The following PCDH11Y variants were observed in gnomAD, a reference collection of about 807,000 sequenced individuals.
PCDH11Y encodes protocadherin-11 Y-linked.
For missense variants in PCDH11Y, 12 were observed against 224.8 expected, an observed-to-expected ratio of 0.05 and a Z score of 6.05; for synonymous variants, 9 against 83.6, an observed-to-expected ratio of 0.11 and a Z score of 4.87.
chrY:5,284,900 A>AT (rs2053058344), intron 2 of PCDH11Y, among the ~76,000 whole-genome samples: 1 of 22,945 alleles, frequency 4.4e-5, no homozygotes, highest in South Asian at 1.1e-3. Flanking sequence ...TGGGGAATTA[A>AT]TTTTTTTGCA....
intron 2 of PCDH11Y, among the ~76,000 whole-genome samples, chrY:5,163,697 G>A: frequency 2.5e-4 from 8 of 32,504 alleles, no homozygotes; most frequent in Admixed American, 2.0e-3. Context: ...TTCAACTTCC[G>A]CCATGATTGT....
At chrY:5,393,531 T>TA (rs2053223243) in intron 2 of PCDH11Y, among the ~76,000 whole-genome samples, 1 of 26,631 alleles carries the variant, frequency 3.8e-5, no homozygotes, top group Non-Finnish European at 8.6e-5. Context: ...CTACAAAAAA[T>TA]AAAAAATTAG....
chrY:5,284,699 C>T, intron 2 of PCDH11Y, among the ~76,000 whole-genome samples: 1 of 30,564 alleles, frequency 3.3e-5, no homozygotes, highest in Non-Finnish European at 7.9e-5. Flanking sequence ...GAGAAAATTC[C>T]ATCCACAATC....
chrY:5,210,182 C>T (rs2124650931), intron 2 of PCDH11Y, among the ~76,000 whole-genome samples: 1 of 34,269 alleles, frequency 2.9e-5, no homozygotes, highest in South Asian at 6.3e-4. Flanking sequence ...AAGAACATTG[C>T]CATATTCCAA....
At chrY:5,319,344 AAAC>A (rs781636448) in intron 2 of PCDH11Y, among the ~76,000 whole-genome samples, 1 of 33,416 alleles carries the variant, frequency 3.0e-5, no homozygotes, top group African/African-American at 1.2e-4. Flanking sequence ...CTTTGGGGAA[AAAC>A]AACAACAACT....
intron 2 of PCDH11Y, among the ~76,000 whole-genome samples, chrY:5,233,302 A>G: frequency 3.2e-5 from 1 of 31,309 alleles, no homozygotes; most frequent in Admixed American, 3.0e-4. Flanking sequence ...TAATATGTTA[A>G]TTTTTCTTAT....
intron 2 of PCDH11Y, among the ~76,000 whole-genome samples, chrY:5,393,585 G>A: frequency 3.4e-4 from 7 of 20,375 alleles, no homozygotes; most frequent in Non-Finnish European, 5.1e-4. Flanking sequence ...AGGAGGCTGA[G>A]GTGGAAGAAT....
chrY:5,337,730 C>T (rs2053139935), intron 2 of PCDH11Y: 15 of 353,415 alleles, frequency 4.2e-5, no homozygotes, highest in South Asian at 4.0e-4. Context: ...TGGGGCTGGG[C>T]GGCAGGACAG....
chrY:5,300,059 T>C, intron 2 of PCDH11Y, among the ~76,000 whole-genome samples: 1 of 32,558 alleles, frequency 3.1e-5, no homozygotes, highest in Non-Finnish European at 7.5e-5. Flanking sequence ...AAATACCTAG[T>C]ATGGGATTTT....
At chrY:5,341,308 A>G (rs2053144659) in intron 2 of PCDH11Y, among the ~76,000 whole-genome samples, 1 of 32,194 alleles carries the variant, frequency 3.1e-5, no homozygotes, top group Non-Finnish European at 7.6e-5. Flanking sequence ...GGGTCTCACT[A>G]TGTTGCCCAG....
At chrY:5,718,743 T>C in intron 4 of PCDH11Y, among the ~76,000 whole-genome samples, 1 of 33,190 alleles carries the variant, frequency 3.0e-5, no homozygotes, top group African/African-American at 1.2e-4. Context: ...ACTGTTATTA[T>C]ATTAAGATAC....
chrY:5,550,552 A>G, intron 3 of PCDH11Y, among the ~76,000 whole-genome samples: 1 of 33,709 alleles, frequency 3.0e-5, no homozygotes. Flanking sequence ...AATTTTGAAA[A>G]GCCAGATACT....
At chrY:5,338,267 C>A in intron 2 of PCDH11Y, 1 of 327,090 alleles carries the variant, frequency 3.1e-6, no homozygotes, top group Non-Finnish European at 4.6e-6. Flanking sequence ...GACAAGAATC[C>A]GAATGGGGTC....
At chrY:5,080,243 A>G in intron 1 of PCDH11Y, among the ~76,000 whole-genome samples, 1 of 33,018 alleles carries the variant, frequency 3.0e-5, no homozygotes, top group African/African-American at 1.2e-4. Flanking sequence ...TCATTCAGCA[A>G]GTCTCTAGGA....
At chrY:5,576,029 G>A (rs1602945483) in intron 3 of PCDH11Y, among the ~76,000 whole-genome samples, 3 of 33,034 alleles carry the variant, frequency 9.1e-5, no homozygotes, top group African/African-American at 3.5e-4. Flanking sequence ...TAGAAATACT[G>A]ATTTCTTAGT....
At chrY:5,007,081 G>T in intron 1 of PCDH11Y, among the ~76,000 whole-genome samples, 2 of 33,662 alleles carry the variant, frequency 5.9e-5, no homozygotes, top group South Asian at 1.3e-3. Context: ...TGAATTTGAG[G>T]AGTAGTTTGC....
At chrY:5,041,863 T>A in intron 3 of PCDH11Y, among the ~76,000 whole-genome samples, 4 of 33,549 alleles carry the variant, frequency 1.2e-4, no homozygotes, top group Admixed American at 5.4e-4. Context: ...TGGCCAGTGA[T>A]GATGAGCATT....
At chrY:5,673,730 A>G (rs2053551461) in intron 4 of PCDH11Y, among the ~76,000 whole-genome samples, 1 of 32,199 alleles carries the variant, frequency 3.1e-5, no homozygotes, top group South Asian at 6.9e-4. Context: ...TCAAACATAT[A>G]TATCTAACTA....
intron 2 of PCDH11Y, among the ~76,000 whole-genome samples, chrY:5,298,602 T>A: frequency 3.0e-5 from 1 of 33,594 alleles, no homozygotes; most frequent in African/African-American, 1.2e-4. Flanking sequence ...TTTCTTATGA[T>A]GCATCATTTA....
Sources: allele counts gnomAD v4.1 joint callset (sites outside exome capture counted in the v4.1 genomes callset), GRCh38; gene constraint gnomAD v4.1.1; transcripts MANE v1.5; gene names NCBI Gene and HGNC (gene_info 2026-07-23, HGNC 2026-07-21).